ATP6V1H: variants seen among roughly 807,000 people sequenced by gnomAD.
ATP6V1H encodes V-type proton ATPase subunit H.
Under a neutral mutation model 71.7 loss-of-function variants are expected in ATP6V1H, and 39 were observed. That is an observed-to-expected ratio of 0.54 (90% CI 0.42 to 0.71). ATP6V1H has a LOEUF of 0.71. ATP6V1H is among the 30% of genes least tolerant of loss of function. ATP6V1H has a pLI of 0.00. For missense variants in ATP6V1H, 509 were observed against 594.9 expected (o/e 0.86, Z 1.50); for synonymous variants, 192 against 199.3 (o/e 0.96, Z 0.31).
chr8:53,726,048 A>G (rs1470597777), intron 13 of ATP6V1H, among the ~76,000 whole-genome samples: 1 of 150,642 alleles, frequency 6.6e-6, no homozygotes, highest in Non-Finnish European at 1.5e-5. Context: ...AAACCATCCA[A>G]AGATTATTCC....
chr8:53,771,032 G>A (rs1685327520), intron 10 of ATP6V1H, among the ~76,000 whole-genome samples: 2 of 152,140 alleles, frequency 1.3e-5, no homozygotes, highest in South Asian at 4.1e-4. Flanking sequence ...TTGGGATTAC[G>A]GCTGTACTGA....
At chr8:53,774,030 T>C (rs149114296) in intron 9 of ATP6V1H, among the ~76,000 whole-genome samples, 171 of 152,326 alleles carry the variant, frequency 1.1e-3, no homozygotes, top group African/African-American at 3.7e-3. Flanking sequence ...TAATCTGTTA[T>C]GTATTATCAA....
intron 10 of ATP6V1H, among the ~76,000 whole-genome samples, chr8:53,771,060 T>C (rs1585767644): frequency 6.6e-6 from 1 of 152,178 alleles, no homozygotes. Flanking sequence ...GGTAAATACA[T>C]TTCTGGAGCA....
At chr8:53,750,951 G>A (rs1384388649) in intron 12 of ATP6V1H, among the ~76,000 whole-genome samples, 1 of 152,068 alleles carries the variant, frequency 6.6e-6, no homozygotes, top group African/African-American at 2.4e-5. Flanking sequence ...ATGACTCTAA[G>A]TGTTTTACAT....
chr8:53,825,687 C>T (rs1810805427), intron 4 of ATP6V1H, among the ~76,000 whole-genome samples: 1 of 152,076 alleles, frequency 6.6e-6, no homozygotes, highest in African/African-American at 2.4e-5. Flanking sequence ...GGTGCTAGAA[C>T]AACTGAATGG....
intron 6 of ATP6V1H, among the ~76,000 whole-genome samples, chr8:53,812,353 A>T (rs1810304731): frequency 6.6e-6 from 1 of 152,248 alleles, no homozygotes; most frequent in Non-Finnish European, 1.5e-5. Flanking sequence ...TGCAGAAAAT[A>T]CTTGAAGAGC....
intron 7 of ATP6V1H, among the ~76,000 whole-genome samples, chr8:53,802,202 T>C (rs544681639): frequency 1.3e-5 from 2 of 152,336 alleles, no homozygotes; most frequent in Admixed American, 6.5e-5. Context: ...CCTTGCAATG[T>C]TTCACATATC....
chr8:53,841,901 T>C (rs1563322752), intron 1 of ATP6V1H, among the ~76,000 whole-genome samples, 176 bp from the exon 2 acceptor site: 1 of 152,234 alleles, frequency 6.6e-6, no homozygotes, highest in African/African-American at 2.4e-5. Flanking sequence ...CACTGCTCCA[T>C]AAAAGAGTTC....
intron 13 of ATP6V1H, among the ~76,000 whole-genome samples, chr8:53,728,342 G>A (rs1678379974): frequency 6.6e-6 from 1 of 152,186 alleles, no homozygotes. Flanking sequence ...AGACTCAGCT[G>A]TGCTGAGTGT....
chr8:53,755,727 TATATATATATATATATA>T lies in ATP6V1H; in HGVS notation c.1277+811_1277+827del, dbSNP rs1239408388. 6.0e-3 allele frequency among the ~76,000 whole-genome samples: 47 copies of T among 7,862 alleles called. 1 individual carries two copies. The highest frequency in any genetic ancestry group is 7.9e-3 in the African/African-American group (10 of 1,258). 5.2% of individuals were successfully genotyped at this position (7,862 alleles called of 152,430 possible). A position where few individuals can be genotyped will look rare whatever the true frequency, so the allele number is the denominator to read the frequency against. ...ATATATATATATATATATATATATATATATATATATATATATATTTTTTTTTTTTTTTTTTTTTTTTT... is the reference window on the plus strand; with the variant it reads ...ATATATATATATATATATATATATATTTTTTTTTTTTTTTTTTTTTTTTTT... On this transcript the variant is annotated intron_variant, in intron 12 of 13. Coordinates refer to ENST00000359530, the MANE Select transcript of ATP6V1H (RefSeq NM_015941.4).
intron 4 of ATP6V1H, among the ~76,000 whole-genome samples, chr8:53,827,249 G>C (rs1810853174): frequency 6.6e-6 from 1 of 151,434 alleles, no homozygotes. Context: ...CAGGCATGGT[G>C]ACAGGCACCT....
intron 9 of ATP6V1H, among the ~76,000 whole-genome samples, chr8:53,788,029 A>G (rs1170903247): frequency 6.6e-6 from 1 of 152,208 alleles, no homozygotes; most frequent in East Asian, 1.9e-4. Context: ...TAAAGGTTAC[A>G]GGAATTTGAA....
chr8:53,799,707 T>G lies in ATP6V1H; in HGVS notation c.677+2092A>C, dbSNP rs149371941. The stretch of plus-strand genomic sequence containing the variant: ...AGACTAACACCCAAGGTGATGGTAT[T>G]AGGAGGTGGGGCCTTTGGGAGGTGA... On this transcript the variant is annotated intron_variant, in intron 8 of 13. Transcript: ENST00000359530. Among the ~76,000 whole-genome samples, 6 of 152,276 alleles carry G rather than the reference T, an allele frequency of 3.9e-5. No homozygotes were observed. The East Asian group carries it at 1.2e-3, about 29-fold the overall frequency.
intron 3 of ATP6V1H, chr8:53,832,414 A>C (rs1811038185): frequency 6.6e-6 from 1 of 151,974 alleles, no homozygotes; most frequent in Non-Finnish European, 1.5e-5. Flanking sequence ...ATATGAAAAA[A>C]CTCCACAACC....
At chr8:53,788,115 T>C (rs551815292) in intron 9 of ATP6V1H, among the ~76,000 whole-genome samples, 154 of 152,328 alleles carry the variant, frequency 1.0e-3, no homozygotes, top group Non-Finnish European at 1.8e-3. Context: ...TCTTTATCAA[T>C]GGCTCAATTT....
At chr8:53,758,844 T>C (rs1205807934) in intron 11 of ATP6V1H, among the ~76,000 whole-genome samples, 1 of 152,262 alleles carries the variant, frequency 6.6e-6, no homozygotes, top group Non-Finnish European at 1.5e-5. Flanking sequence ...TGTCCATAGC[T>C]GGCACTGCAA....
intron 13 of ATP6V1H, among the ~76,000 whole-genome samples, chr8:53,736,432 C>T (rs1332365762): frequency 6.6e-6 from 1 of 152,202 alleles, no homozygotes; most frequent in Non-Finnish European, 1.5e-5. Flanking sequence ...CTGACTAATT[C>T]TTTCCCCGAA....
intron 6 of ATP6V1H, among the ~76,000 whole-genome samples, chr8:53,812,490 C>T (rs1009485873): frequency 1.2e-4 from 18 of 152,132 alleles, no homozygotes; most frequent in Non-Finnish European, 4.4e-5. Flanking sequence ...TCAATCATTC[C>T]AGAAGTGACA....
At chr8:53,725,577 C>G (rs1585718664) in intron 13 of ATP6V1H, among the ~76,000 whole-genome samples, 1 of 148,388 alleles carries the variant, frequency 6.7e-6, no homozygotes, top group Non-Finnish European at 1.5e-5. Flanking sequence ...TTCCCTTACA[C>G]AAAGATGAGT....
Sources: gnomAD v4.1 joint callset for allele counts (sites outside exome capture counted in the v4.1 genomes callset) on GRCh38, gnomAD v4.1.1 for gene constraint, MANE v1.5 for transcripts, NCBI Gene and HGNC (gene_info 2026-07-23, HGNC 2026-07-21) for gene names.